Variants in DPYD observed in about 807,000 individuals in gnomAD.
DPYD encodes dihydropyrimidine dehydrogenase [NADP(+)].
Under a neutral mutation model 116.2 loss-of-function variants are expected in DPYD, and 109 were observed. That is an observed-to-expected ratio of 0.94 (90% CI 0.80 to 1.10). The LOEUF (loss-of-function observed/expected upper bound fraction) is 1.10, where lower values mean the gene tolerates loss of function less well. Among genes scored for constraint, DPYD ranks in the 50% least tolerant of loss-of-function variants. The pLI, the probability that DPYD is intolerant of heterozygous loss-of-function variation, is 0.00. For synonymous variants in DPYD, 440 were observed against 432.0 expected (o/e 1.02, Z -0.23); for missense variants, 1,302 against 1,254.5 (o/e 1.04, Z -0.57).
At chr1:97,461,775 T>G (rs1443763254) in intron 13 of DPYD, among the ~76,000 whole-genome samples, 3 of 152,204 alleles carry the variant, frequency 2.0e-5, no homozygotes, top group Non-Finnish European at 2.9e-5. Flanking sequence ...CATTAAAAAA[T>G]GTATTATGTC....
At chr1:97,603,421 A>G (rs1178323635) in intron 8 of DPYD, among the ~76,000 whole-genome samples, 1 of 152,084 alleles carries the variant, frequency 6.6e-6, no homozygotes, top group East Asian at 1.9e-4. Flanking sequence ...ATACAAAAGC[A>G]CAGACATTAA....
chr1:97,368,478 T>C (rs1171356944), intron 16 of DPYD, among the ~76,000 whole-genome samples: 1 of 152,196 alleles, frequency 6.6e-6, no homozygotes, highest in South Asian at 2.1e-4. Flanking sequence ...GAGGGTTATA[T>C]GACTAGCATT....
chr1:97,697,209 G>T (rs1471902265), intron 6 of DPYD, among the ~76,000 whole-genome samples: 2 of 152,190 alleles, frequency 1.3e-5, no homozygotes, highest in East Asian at 3.9e-4. Flanking sequence ...AATAATTGAT[G>T]TGTTCAATGC....
chr1:97,084,466 T>C (rs773211449), intron 21 of DPYD, among the ~76,000 whole-genome samples: 4 of 151,874 alleles, frequency 2.6e-5, no homozygotes, highest in East Asian at 1.9e-4. Context: ...TTTTCCTCCC[T>C]TCCTTGCCCT....
intron 16 of DPYD, among the ~76,000 whole-genome samples, chr1:97,357,283 G>A (rs1354117780): frequency 6.6e-6 from 1 of 150,996 alleles, no homozygotes; most frequent in Non-Finnish European, 1.5e-5. Context: ...ATAGTTCATT[G>A]TTAATGTACA....
At chr1:97,457,885 G>A (rs911297573) in intron 13 of DPYD, among the ~76,000 whole-genome samples, 6 of 152,094 alleles carry the variant, frequency 3.9e-5, no homozygotes, top group African/African-American at 4.8e-5. Context: ...GTGCATTCAC[G>A]GAGATAAGTT....
At chr1:97,157,570 T>G (rs980256090) in intron 20 of DPYD, among the ~76,000 whole-genome samples, 4 of 152,160 alleles carry the variant, frequency 2.6e-5, no homozygotes, top group Non-Finnish European at 5.9e-5. Flanking sequence ...AAAGTCCTTC[T>G]CATTTCCATG....
At chr1:97,096,871 G>T (rs1372162425) in intron 21 of DPYD, among the ~76,000 whole-genome samples, 7 of 152,082 alleles carry the variant, frequency 4.6e-5, no homozygotes. Context: ...TCTTGCTGCT[G>T]CTCACTCTTT....
chr1:97,205,941 T>A (rs570197649), intron 19 of DPYD, among the ~76,000 whole-genome samples: 2 of 152,210 alleles, frequency 1.3e-5, no homozygotes, highest in African/African-American at 4.8e-5. Flanking sequence ...TCACAGGGCA[T>A]CTCCAGCGCT....
intron 12 of DPYD, among the ~76,000 whole-genome samples, chr1:97,524,231 T>C (rs2102000079): frequency 6.6e-6 from 1 of 152,070 alleles, no homozygotes. Flanking sequence ...CTACAGCGAG[T>C]TATGTTTGTA....
intron 3 of DPYD, among the ~76,000 whole-genome samples, chr1:97,789,800 G>C (rs1475364147): frequency 6.6e-6 from 1 of 152,054 alleles, no homozygotes; most frequent in Non-Finnish European, 1.5e-5. Flanking sequence ...AAATCACTCA[G>C]CTCCCTTCCT....
chr1:97,510,566 G>A (rs969029807), intron 13 of DPYD, among the ~76,000 whole-genome samples: 5 of 151,928 alleles, frequency 3.3e-5, no homozygotes, highest in Non-Finnish European at 5.9e-5. Flanking sequence ...TTGGAAAGGA[G>A]TGGATGCAGT....
Position 97,827,803 on chromosome 1 carries a change from T to C in DPYD, c.233+311A>G, listed in dbSNP as rs139124257. 9.1e-3 allele frequency among the ~76,000 whole-genome samples: 1,391 copies of C among 152,318 alleles called. 25 individuals are homozygous for C. Among genetic ancestry groups the C allele is most frequent in the African/African-American group, 0.032 (1,322 of 41,566 alleles). On this transcript the variant is annotated intron_variant, in intron 3 of 22. Coordinates refer to ENST00000370192, the MANE Select transcript of DPYD (RefSeq NM_000110.4). Reference sequence around the variant, plus strand: ...CCATTGTACAATGTTTATTTCTTTATATACAGGCAGAATTTAGATGAACAA... The same window carrying C: ...CCATTGTACAATGTTTATTTCTTTACATACAGGCAGAATTTAGATGAACAA...
At chr1:97,186,666 T>C (rs960183803) in intron 20 of DPYD, among the ~76,000 whole-genome samples, 1 of 152,060 alleles carries the variant, frequency 6.6e-6, no homozygotes, top group African/African-American at 2.4e-5. Context: ...CTGGACAACA[T>C]GGAGGAACGC....
chr1:97,268,338 C>T (rs1311757699), intron 18 of DPYD, among the ~76,000 whole-genome samples: 1 of 152,106 alleles, frequency 6.6e-6, no homozygotes, highest in East Asian at 1.9e-4. Context: ...GACTGCCTCA[C>T]TCCCATGGCT....
chr1:97,582,694 T>A (rs1054337490), intron 10 of DPYD, among the ~76,000 whole-genome samples: 1 of 152,210 alleles, frequency 6.6e-6, no homozygotes, highest in African/African-American at 2.4e-5. Context: ...TGGTATGGTA[T>A]TACAGGCTTC....
rs772501466 is a variant in DPYD, at chr1:97,898,818, TC to T, written c.40-15445del. Among the ~76,000 whole-genome samples the T allele has an allele frequency of 6.8e-4, 104 of 151,956 alleles. 1 individual carries two copies. Among genetic ancestry groups the T allele is most frequent in the Non-Finnish European group, 1.9e-4 (13 of 67,914 alleles). On this transcript the variant is annotated intron_variant, in intron 1 of 22. Transcript: ENST00000370192. ...TGATGGTTTTCTACATGGTGGTTCC[TC>T]TGCATAAGCTTTCTTGCCTGCCACC... is the stretch of plus-strand genomic sequence containing the variant.
chr1:97,416,917 T>C (rs1674320595), intron 14 of DPYD, among the ~76,000 whole-genome samples: 2 of 152,194 alleles, frequency 1.3e-5, no homozygotes, highest in South Asian at 4.1e-4. Context: ...ACACAAATAT[T>C]AATTAAACAA....
intron 18 of DPYD, chr1:97,280,177 G>C (rs1475774093): frequency 6.6e-6 from 1 of 151,836 alleles, no homozygotes; most frequent in Non-Finnish European, 1.5e-5. Flanking sequence ...ACTAAATTGA[G>C]GATGTCTTGA....
Sources: allele counts gnomAD v4.1 joint callset (sites outside exome capture counted in the v4.1 genomes callset), GRCh38; gene constraint gnomAD v4.1.1; transcripts MANE v1.5; gene names NCBI Gene and HGNC (gene_info 2026-07-23, HGNC 2026-07-21).